PANX2: variants seen among roughly 807,000 people sequenced by gnomAD.
The protein encoded by PANX2 is pannexin 2.
PANX2 carries 30 observed loss-of-function variants against 38.7 expected under a neutral mutation model. The observed-to-expected ratio is 0.78, with a 90% confidence interval of 0.58 to 1.05. PANX2 has a LOEUF of 1.05. Ranked by LOEUF, PANX2 falls within the 50% of genes least tolerant of loss-of-function variation. The pLI is 0.00. For synonymous variants in PANX2, 539 were observed against 472.1 expected, an observed-to-expected ratio of 1.14 and a Z score of -1.84; for missense variants, 880 against 979.3, an observed-to-expected ratio of 0.90 and a Z score of 1.35.
rs181953058 is a variant in PANX2 at position 50,178,926 on chromosome 22, G to A, written c.1691-8G>A. Reference sequence around the variant, plus strand: ...GTGTGAGATGTCTGTGCTCTTGGCTGTTTGCAGATGCTCCGCTCCCCGAGA... The same window carrying A: ...GTGTGAGATGTCTGTGCTCTTGGCTATTTGCAGATGCTCCGCTCCCCGAGA... On this transcript the variant is annotated splice_polypyrimidine_tract_variant and splice_region_variant and intron_variant, in intron 2 of 2. Transcript: ENST00000395842. 8.5e-4 allele frequency: 1,318 copies of A among 1,558,180 alleles called. 1 individual carries two copies. The highest frequency in any genetic ancestry group is 1.0e-3 in the Non-Finnish European group (1,205 of 1,150,598).
At position 50,176,967 on chromosome 22, in the gene PANX2, C is replaced by T; in HGVS notation, c.255C>T (p.His85=). 6.4e-7 allele frequency: 1 copy of T among 1,559,828 alleles called. No individual in the cohort carries two copies. The highest frequency in any genetic ancestry group is 1.4e-5 in the African/African-American group (1 of 73,624). The part of the protein sequence containing the change: ...AEEPIYCYTP[H]NFTRDQALYA... ...AACCCATTTACTGTTACACCCCGCACAACTTCACGCGCGACCAGGCGCTGT... is the reference window on the plus strand; with the variant it reads ...AACCCATTTACTGTTACACCCCGCATAACTTCACGCGCGACCAGGCGCTGT... The change falls in exon 2 of 3, where the codon CAC becomes CAT. Residue 85 remains histidine, a synonymous_variant. Transcript: ENST00000395842.
rs779520400 is a variant in PANX2 at position 50,177,862 on chromosome 22, G to C, written c.1150G>C (p.Ala384Pro). 3 of 1,570,510 alleles carry C rather than the reference G, an allele frequency of 1.9e-6. No homozygotes were observed. The South Asian group carries it at 3.4e-5, about 18-fold the overall frequency. ...CGACAACGTGGTCCGGCAGCTGCTG[G>C]CGGCGCTGGCGCAGTCCAACCACGA... ...MYDNVVRQLL[A>P]ALAQSNHDAT... The change falls in exon 2 of 3, where the codon GCG (alanine) becomes CCG (proline). Residue 384 changes from alanine (A) to proline (P), a missense_variant. Coordinates refer to ENST00000395842, the MANE Select transcript of PANX2 (RefSeq NM_052839.4).
chr22:50,171,035 C>G, intron 1 of PANX2, 79 bp downstream of exon 1: 1 of 707,152 alleles, frequency 1.4e-6, no homozygotes, highest in Non-Finnish European at 2.1e-6. Context: ...TTCCCGCGTC[C>G]CCGGCGGCTC....
In PANX2 at chr22:50,178,040, T is replaced by C; in HGVS notation, c.1328T>C (p.Phe443Ser). ...IPTSNPLPQP[F>S]KEPLAIMRVE... ...ACCAGCAACCCGCTTCCGCAGCCCT[T>C]CAAGGAGCCGCTGGCCATCATGCGC... is the stretch of plus-strand genomic sequence containing the variant. Residue 443 changes from phenylalanine (F) to serine (S), a missense_variant, in exon 2 of 3, where the codon TTC becomes TCC. Around this residue, in one of 4 missense-constraint regions of PANX2, gnomAD observed 445 missense variants for 404.3 expected, o/e 1.10. Coordinates refer to ENST00000395842, the MANE Select transcript of PANX2 (RefSeq NM_052839.4). 1 of 1,550,760 alleles carries C rather than the reference T, an allele frequency of 6.4e-7. No individual in the cohort carries two copies. The highest frequency in any genetic ancestry group is 8.7e-7 in the Non-Finnish European group (1 of 1,155,012).
intron 1 of PANX2, among the ~76,000 whole-genome samples, chr22:50,174,690 C>T (rs1468475873): frequency 1.3e-5 from 2 of 152,366 alleles, no homozygotes; most frequent in East Asian, 3.9e-4. Context: ...CTGGCCCAGG[C>T]AGGGTCCCAC....
In PANX2 at chr22:50,177,975, C is replaced by A. The variant is rs781516056; in HGVS notation, c.1263C>A (p.Pro421=). The part of the protein sequence containing the change: ...PAEPDGAAEP[P]VVKRPRKKMK... ...AGCCCGACGGCGCCGCCGAGCCGCC[C>A]GTGGTCAAGCGGCCGCGCAAGAAGA... The change falls in exon 2 of 3, where the codon CCC becomes CCA. Residue 421 remains proline, a synonymous_variant. Coordinates refer to ENST00000395842, the MANE Select transcript of PANX2 (RefSeq NM_052839.4). The A allele has an allele frequency of 1.3e-6, 2 of 1,535,562 alleles. No individual in the cohort carries two copies. The highest frequency in any genetic ancestry group is 4.0e-5 in the Admixed American group (2 of 50,490).
Position 50,178,180 on chromosome 22 carries a change from G to A in PANX2, c.1468G>A (p.Asp490Asn). The stretch of plus-strand genomic sequence containing the variant: ...CCACCACTACAAGGGCGGAGGGGGC[G>A]ACCCGGGCCCCGGCCCCGCCCCTGC... Reference protein sequence around the residue: ...SAHHYKGGGGDPGPGPAPAPA... With the variant: ...SAHHYKGGGGNPGPGPAPAPA... Residue 490 changes from aspartate to asparagine, a missense_variant, in exon 2 of 3, where the codon GAC becomes AAC. Around this residue, in one of 4 missense-constraint regions of PANX2, gnomAD observed 445 missense variants for 404.3 expected, o/e 1.10. Transcript: ENST00000395842. 1 of 1,489,132 alleles carries A rather than the reference G, an allele frequency of 6.7e-7. No individual in the cohort carries two copies. Among genetic ancestry groups the A allele is most frequent in the Non-Finnish European group, 8.8e-7 (1 of 1,130,482 alleles). The allele number at this position is 1,489,132 out of a possible 1,614,324, so 92.2% of individuals were successfully genotyped here. A position where few individuals can be genotyped will look rare whatever the true frequency, so the allele number is the denominator to read the frequency against.
intron 1 of PANX2, among the ~76,000 whole-genome samples, chr22:50,174,731 G>A (rs960305913): frequency 3.3e-5 from 5 of 152,214 alleles, no homozygotes; most frequent in Non-Finnish European, 5.9e-5. Flanking sequence ...GGAGGGCCTC[G>A]GACAGAGGAC....
At position 50,174,744 on chromosome 22, in the gene PANX2, G is replaced by A. The variant is rs564099289; in HGVS notation, c.227-2195G>A. The stretch of plus-strand genomic sequence containing the variant: ...GAGGAGGGCCTCGGACAGAGGACCC[G>A]TAGCAGTCGCTGCGTGTGGGATGGG... On this transcript the variant is annotated intron_variant, in intron 1 of 2. Coordinates refer to ENST00000395842, the MANE Select transcript of PANX2 (RefSeq NM_052839.4). Among the ~76,000 whole-genome samples, 14 of 152,348 alleles carry A rather than the reference G, an allele frequency of 9.2e-5. No individual in the cohort carries two copies. In the East Asian group the frequency reaches 1.9e-3, roughly 21 times the overall value.
At chr22:50,171,912 C>T (rs1323701366) in intron 1 of PANX2, among the ~76,000 whole-genome samples, 1 of 152,206 alleles carries the variant, frequency 6.6e-6, no homozygotes, top group Non-Finnish European at 1.5e-5. Context: ...ACTGGCGCTT[C>T]CCAAATCTCC....
chr22:50,177,892 AC>A lies in PANX2; in HGVS notation c.1185del (p.Thr396ArgfsTer35), dbSNP rs1485156879. 6.5e-7 allele frequency: 1 copy of A among 1,537,302 alleles called. No individual in the cohort carries two copies. The highest frequency in any genetic ancestry group is 8.7e-7 in the Non-Finnish European group (1 of 1,146,020). Reference sequence around the variant, plus strand: ...GCTGGCGCAGTCCAACCACGACGCCACCCCCACGGTGCGCGACTCGGGGGTG... The same window carrying A: ...GCTGGCGCAGTCCAACCACGACGCCACCCCACGGTGCGCGACTCGGGGGTG... ...AALAQSNHDA[T>X]PTVRDSGVQT... On this transcript the variant is annotated frameshift_variant, in exon 2 of 3. Transcript: ENST00000395842. LOFTEE classifies it high-confidence loss of function.
At chr22:50,173,855 C>T (rs1427700804) in intron 1 of PANX2, among the ~76,000 whole-genome samples, 4 of 152,234 alleles carry the variant, frequency 2.6e-5, no homozygotes, top group Non-Finnish European at 4.4e-5. Flanking sequence ...TCTGTCCTCA[C>T]ATCTCCTCCC....
intron 2 of PANX2, 71 bp from the exon 3 acceptor site, chr22:50,178,863 G>T: frequency 7.4e-7 from 1 of 1,349,678 alleles, no homozygotes; most frequent in Non-Finnish European, 1.0e-6. Flanking sequence ...CCGCCAGCCT[G>T]CACTGGGTGG....
intron 1 of PANX2, among the ~76,000 whole-genome samples, chr22:50,172,792 G>A (rs1188410999): frequency 3.3e-5 from 5 of 151,904 alleles, no homozygotes; most frequent in Non-Finnish European, 5.9e-5. Flanking sequence ...GCAGTGGTGC[G>A]ATGTCGGCTC....
chr22:50,179,018 G>A lies in PANX2; in HGVS notation c.1775G>A (p.Arg592His). The change falls in exon 3 of 3, where the codon CGC (arginine) becomes CAC (histidine). Residue 592 changes from arginine (R) to histidine (H), a missense_variant. Coordinates refer to ENST00000395842, the MANE Select transcript of PANX2 (RefSeq NM_052839.4). ...CCCTCGGGGGGCCCGTTCCACGTCCGCTCACCTCCCGCCGCCCCTGCTGTG... is the reference window on the plus strand; with the variant it reads ...CCCTCGGGGGGCCCGTTCCACGTCCACTCACCTCCCGCCGCCCCTGCTGTG... ...GLPSGGPFHV[R>H]SPPAAPAVAP... 4 of 1,610,300 alleles carry A rather than the reference G, an allele frequency of 2.5e-6. No individual in the cohort carries two copies. The highest frequency in any genetic ancestry group is 3.4e-6 in the Non-Finnish European group (4 of 1,178,762).
intron 1 of PANX2, among the ~76,000 whole-genome samples, chr22:50,175,281 T>C (rs1164910948): frequency 6.6e-6 from 1 of 152,028 alleles, no homozygotes; most frequent in Non-Finnish European, 1.5e-5. Flanking sequence ...GAGCCCTCCT[T>C]CCCATCTCCC....
At chr22:50,171,687 C>T (rs1032039896) in intron 1 of PANX2, among the ~76,000 whole-genome samples, 1 of 152,142 alleles carries the variant, frequency 6.6e-6, no homozygotes, top group African/African-American at 2.4e-5. Flanking sequence ...TGAGCCTCTG[C>T]GGGGTGGGGT....
intron 1 of PANX2, among the ~76,000 whole-genome samples, chr22:50,171,431 G>C (rs1423983509): frequency 1.3e-5 from 2 of 152,196 alleles, no homozygotes; most frequent in East Asian, 3.9e-4. Flanking sequence ...GTCTCTGAGA[G>C]GCCCAGGCCC....
intron 1 of PANX2, among the ~76,000 whole-genome samples, chr22:50,172,403 C>G (rs2063637197): frequency 6.6e-6 from 1 of 152,246 alleles, no homozygotes; most frequent in Non-Finnish European, 1.5e-5. Context: ...TCTGTCTTCT[C>G]ATGGGCTTCT....
Sources: gnomAD v4.1 joint callset for allele counts (sites outside exome capture counted in the v4.1 genomes callset) on GRCh38, gnomAD v4.1.1 for gene constraint, gnomAD v4.1.1 regional missense constraint, MANE v1.5 for transcripts, NCBI Gene and HGNC (gene_info 2026-07-23, HGNC 2026-07-21) for gene names.